The following ADAMTSL1 variants were observed in gnomAD, a reference collection of about 807,000 sequenced individuals.
The protein encoded by ADAMTSL1 is ADAMTS-like protein 1.
In ADAMTSL1, 126 loss-of-function variants were observed where a neutral mutation model predicts 201.8. That is an observed-to-expected ratio of 0.62 (90% CI 0.54 to 0.72). ADAMTSL1 has a LOEUF of 0.72. ADAMTSL1 is among the 30% of genes least tolerant of loss of function. ADAMTSL1 has a pLI of 0.00. For missense variants in ADAMTSL1, 2,679 were observed against 2,277.8 expected (o/e 1.18, Z -3.59); for synonymous variants, 1,121 against 903.4 (o/e 1.24, Z -4.32).
intron 2 of ADAMTSL1, among the ~76,000 whole-genome samples, chr9:18,213,917 A>G (rs965390905): frequency 6.6e-5 from 10 of 152,004 alleles, no homozygotes; most frequent in African/African-American, 2.4e-4. Flanking sequence ...TATTTATTTT[A>G]GTAGAGATGG....
At chr9:18,854,319 G>GA (rs1484719795) in intron 23 of ADAMTSL1, among the ~76,000 whole-genome samples, 3 of 152,198 alleles carry the variant, frequency 2.0e-5, no homozygotes, top group Non-Finnish European at 2.9e-5. Context: ...TAGGTTCCCT[G>GA]AAAAAAGCAG....
rs150114301 is a variant in ADAMTSL1 at position 18,288,759 on chromosome 9, G to T, written c.207+124778G>T. ...TCACAAAAATGAGAAATACCCTCAG[G>T]TCTCTTCAGCCTGATGGCTGCCCTG... is the stretch of plus-strand genomic sequence containing the variant. On this transcript the variant is annotated intron_variant, in intron 2 of 29. Coordinates refer to the ADAMTSL1 transcript ENST00000680146. Among the ~76,000 whole-genome samples the T allele has an allele frequency of 2.8e-4, 43 of 152,352 alleles. No homozygotes were observed. In the East Asian group the frequency reaches 8.1e-3, roughly 29 times the overall value.
intron 19 of ADAMTSL1, among the ~76,000 whole-genome samples, chr9:18,784,528 T>A (rs1200916332): frequency 6.6e-6 from 1 of 152,228 alleles, no homozygotes; most frequent in Non-Finnish European, 1.5e-5. Flanking sequence ...TGATACCTGT[T>A]CCTAACCAAA....
chr9:18,359,827 G>GCCCCC (rs1352201698), intron 2 of ADAMTSL1, among the ~76,000 whole-genome samples: 1 of 39,360 alleles, frequency 2.5e-5, no homozygotes. Flanking sequence ...CTCCCCACCC[G>GCCCCC]CCCCCCCGCC....
rs1450758564 is a variant in ADAMTSL1 at position 18,029,108 on chromosome 9, T to C, written c.87+122186T>C. Among the ~76,000 whole-genome samples the C allele has an allele frequency of 2.0e-5, 3 of 152,208 alleles. No homozygotes were observed. The South Asian group carries it at 6.2e-4, about 31-fold the overall frequency. On this transcript the variant is annotated intron_variant, in intron 1 of 29. Transcript: ENST00000680146. ...AATGCTTGTGATTTTTGCACATTGA[T>C]TTTATATCCTGAGACTTTGCTGAAG...
chr9:18,413,143 A>T (rs561227196), intron 2 of ADAMTSL1, among the ~76,000 whole-genome samples: 2 of 99,054 alleles, frequency 2.0e-5, no homozygotes, highest in African/African-American at 7.2e-5. Flanking sequence ...TTCTCTAAGG[A>T]TAATTTTTTT....
chr9:18,267,098 C>A (rs752414198), intron 2 of ADAMTSL1, among the ~76,000 whole-genome samples: 3 of 152,144 alleles, frequency 2.0e-5, no homozygotes, highest in Non-Finnish European at 4.4e-5. Flanking sequence ...ATTGCAGTGG[C>A]ATTTAGCAGG....
chr9:17,908,481 A>G (rs1825808123), intron 1 of ADAMTSL1, among the ~76,000 whole-genome samples: 1 of 150,724 alleles, frequency 6.6e-6, no homozygotes, highest in Admixed American at 6.6e-5. Context: ...TTTGAAACGG[A>G]GTTTCACTCT....
chr9:18,314,921 C>G (rs1050837812), intron 2 of ADAMTSL1, among the ~76,000 whole-genome samples: 5 of 149,642 alleles, frequency 3.3e-5, no homozygotes, highest in Non-Finnish European at 5.9e-5. Context: ...CTCAGCCTCC[C>G]GAGTAGCTGG....
chr9:18,338,607 C>G (rs921494271), intron 2 of ADAMTSL1, among the ~76,000 whole-genome samples: 1 of 152,026 alleles, frequency 6.6e-6, no homozygotes, highest in Non-Finnish European at 1.5e-5. Flanking sequence ...CCACCTTGCC[C>G]AGCTTATTTT....
chr9:18,046,542 C>T (rs1311164204), intron 1 of ADAMTSL1, among the ~76,000 whole-genome samples: 1 of 152,132 alleles, frequency 6.6e-6, no homozygotes, highest in Non-Finnish European at 1.5e-5. Flanking sequence ...AGTAGTCTTT[C>T]ATTTGGTGAC....
intron 1 of ADAMTSL1, among the ~76,000 whole-genome samples, chr9:18,054,038 A>T (rs966729881): frequency 6.6e-6 from 1 of 152,174 alleles, no homozygotes; most frequent in Admixed American, 6.5e-5. Context: ...TTCTGGTTAT[A>T]AAAGGACATA....
chr9:18,046,695 T>G (rs1271565524), intron 1 of ADAMTSL1, among the ~76,000 whole-genome samples: 1 of 152,174 alleles, frequency 6.6e-6, no homozygotes, highest in Admixed American at 6.5e-5. Context: ...AATTATACAA[T>G]CTACCATTTA....
chr9:18,551,521 G>A (rs374534315), intron 3 of ADAMTSL1, among the ~76,000 whole-genome samples: 67 of 149,156 alleles, frequency 4.5e-4, no homozygotes, highest in African/African-American at 1.6e-3. Flanking sequence ...ATTTTCTTTG[G>A]GGGAAGATTT....
At chr9:18,422,680 C>T (rs1587150359) in intron 2 of ADAMTSL1, among the ~76,000 whole-genome samples, 1 of 152,208 alleles carries the variant, frequency 6.6e-6, no homozygotes, top group South Asian at 2.1e-4. Flanking sequence ...CAAGAGCCCA[C>T]TGACACATCT....
chr9:18,908,391 G>C (rs965622873), intron 28 of ADAMTSL1, 51 bp from the exon 29 acceptor site: 2 of 1,473,830 alleles, frequency 1.4e-6, no homozygotes, highest in Non-Finnish European at 9.3e-7. Flanking sequence ...ATTAGTCTCT[G>C]TTTCACATCT....
chr9:18,454,736 C>T (rs1294499851), intron 2 of ADAMTSL1, among the ~76,000 whole-genome samples: 2 of 151,852 alleles, frequency 1.3e-5, no homozygotes, highest in Admixed American at 6.6e-5. Flanking sequence ...ATAATGGAGC[C>T]GAGGCTAATG....
intron 1 of ADAMTSL1, among the ~76,000 whole-genome samples, chr9:18,478,721 G>C (rs968932208): frequency 1.3e-5 from 2 of 152,114 alleles, no homozygotes; most frequent in African/African-American, 2.4e-5. Flanking sequence ...GTAGCATAAG[G>C]ACCGGAGCCT....
At chr9:18,472,916 T>C (rs1563980868), upstream of ADAMTSL1, among the ~76,000 whole-genome samples, 1 of 152,208 alleles carries the variant, frequency 6.6e-6, no homozygotes, top group Admixed American at 6.5e-5. Context: ...ACATCCTTGT[T>C]TGACATTTGA....
Sources: allele counts gnomAD v4.1 joint callset (sites outside exome capture counted in the v4.1 genomes callset), GRCh38; gene constraint gnomAD v4.1.1; transcripts MANE v1.5; gene names NCBI Gene and HGNC (gene_info 2026-07-23, HGNC 2026-07-21).